Variants in PRKCZ observed in about 807,000 individuals in gnomAD.
PRKCZ encodes protein kinase C zeta.
PRKCZ carries 33 observed loss-of-function variants against 79.5 expected under a neutral mutation model. The ratio of observed to expected loss-of-function variants is 0.41; its 90% CI spans 0.31 to 0.55. The LOEUF is 0.55. Among genes scored for constraint, PRKCZ ranks in the 20% least tolerant of loss-of-function variants. PRKCZ has a pLI of 0.19. For missense variants in PRKCZ, 578 were observed against 813.5 expected, an observed-to-expected ratio of 0.71 and a Z score of 3.52; for synonymous variants, 342 against 320.9, an observed-to-expected ratio of 1.07 and a Z score of -0.70.
Position 2,149,032 on chromosome 1 carries a change from G to C in PRKCZ, c.687+108G>C, listed in dbSNP as rs1278716017. 20 of 1,263,324 alleles carry C rather than the reference G, an allele frequency of 1.6e-5. No individual in the cohort carries two copies. Among genetic ancestry groups the C allele is most frequent in the African/African-American group, 3.0e-5 (2 of 67,282 alleles). The allele number at this position is 1,263,324 out of a possible 1,614,324, so 78.3% of individuals were successfully genotyped here. ...CTAGATGTGAAATAGACATGGTCCGGGGTGTTGCTAACTAATCTTCACGGG... is the reference window on the plus strand; with the variant it reads ...CTAGATGTGAAATAGACATGGTCCGCGGTGTTGCTAACTAATCTTCACGGG... On this transcript the variant is annotated intron_variant, in intron 8 of 17. Transcript: ENST00000378567. This position sits in a 1 kb window ranked among gnomAD's most constrained non-coding sequence, Gnocchi z 4.1.
intron 10 of PRKCZ, among the ~76,000 whole-genome samples, chr1:2,158,017 G>A (rs1282887347): frequency 1.3e-5 from 2 of 152,192 alleles, no homozygotes; most frequent in Non-Finnish European, 1.5e-5. Flanking sequence ...GCTCTCCTCC[G>A]CTGCACTCTT....
intron 11 of PRKCZ, among the ~76,000 whole-genome samples, chr1:2,171,320 T>G (rs1684380886): frequency 1.5e-5 from 2 of 133,072 alleles, no homozygotes; most frequent in African/African-American, 2.9e-5. Flanking sequence ...CCAGCCTGGG[T>G]GACAGAGTGA....
At chr1:2,171,116 G>T (rs1309720446) in intron 11 of PRKCZ, among the ~76,000 whole-genome samples, 1 of 152,082 alleles carries the variant, frequency 6.6e-6, no homozygotes, top group East Asian at 2.0e-4. Flanking sequence ...GGATCACGAG[G>T]TCAGGAGATC....
At chr1:2,107,893 A>T (rs962153547) in intron 4 of PRKCZ, among the ~76,000 whole-genome samples, 3 of 149,522 alleles carry the variant, frequency 2.0e-5, no homozygotes, top group African/African-American at 7.5e-5. Flanking sequence ...GTGTCCAGGG[A>T]TTCCCCCCAG....
chr1:2,102,902 CAG>C (rs1667743542), intron 4 of PRKCZ, among the ~76,000 whole-genome samples: 3 of 151,834 alleles, frequency 2.0e-5, no homozygotes, highest in Admixed American at 1.3e-4. Context: ...TCTCAAGAGA[CAG>C]GGTCTTGCTC....
intron 16 of PRKCZ, chr1:2,184,007 A>G (rs1687143121): frequency 6.5e-6 from 1 of 153,086 alleles, no homozygotes; most frequent in African/African-American, 2.4e-5. Context: ...GTGTTGTGGC[A>G]CCTGTGCCAG....
intron 4 of PRKCZ, among the ~76,000 whole-genome samples, chr1:2,071,756 A>G (rs1661609225): frequency 6.6e-6 from 1 of 152,180 alleles, no homozygotes; most frequent in Non-Finnish European, 1.5e-5. Context: ...ACCAGGATAA[A>G]TGCGTATTTC....
intron 10 of PRKCZ, among the ~76,000 whole-genome samples, chr1:2,163,885 C>T (rs1052248529): frequency 3.3e-5 from 5 of 151,370 alleles, no homozygotes; most frequent in African/African-American, 7.3e-5. Flanking sequence ...GGCGAGAGAG[C>T]GAGACTCCAT....
At chr1:2,152,105 C>T (rs1306040572) in intron 9 of PRKCZ, among the ~76,000 whole-genome samples, 1 of 152,178 alleles carries the variant, frequency 6.6e-6, no homozygotes, top group Non-Finnish European at 1.5e-5. Flanking sequence ...CCCGCCTCAG[C>T]CTGCTAGAGT....
intron 4 of PRKCZ, among the ~76,000 whole-genome samples, chr1:2,078,674 T>G (rs1236573102): frequency 1.3e-5 from 2 of 152,214 alleles, no homozygotes; most frequent in African/African-American, 4.8e-5. Context: ...TGATTATTTG[T>G]TGGCCCTCCC....
intron 4 of PRKCZ, among the ~76,000 whole-genome samples, chr1:2,118,301 C>T (rs963472712): frequency 2.1e-5 from 3 of 140,772 alleles, no homozygotes; most frequent in African/African-American, 8.0e-5. Flanking sequence ...CTGGCCATAT[C>T]TTCCTTTTGA....
At position 2,050,663 on chromosome 1, in the gene PRKCZ, G is replaced by C. The variant is rs1659554050; in HGVS notation, c.33G>C (p.Gly11=). 8.1e-7 allele frequency: 1 copy of C among 1,227,590 alleles called. No homozygotes were observed. Among genetic ancestry groups the C allele is most frequent in the Admixed American group, 4.2e-5 (1 of 23,554 alleles). 76.0% of individuals were successfully genotyped at this position (1,227,590 alleles called of 1,614,324 possible). Residue 11 remains glycine, a synonymous_variant, in exon 1 of 18, where the codon GGG becomes GGC. Coordinates refer to ENST00000378567, the MANE Select transcript of PRKCZ (RefSeq NM_002744.6). The part of the protein sequence containing the change: MPSRTGPKME[G]SGGRVRLKAH... ...GCAGGACCGGCCCCAAGATGGAAGG[G>C]AGCGGCGGCCGCGTCCGCCTCAAGG...
chr1:2,079,316 T>G (rs1297904015), intron 4 of PRKCZ, among the ~76,000 whole-genome samples: 1 of 152,268 alleles, frequency 6.6e-6, no homozygotes, highest in Non-Finnish European at 1.5e-5. Flanking sequence ...TTTAATCTTC[T>G]CAGTTCCTTG....
chr1:2,174,329 C>T lies in PRKCZ; in HGVS notation c.1405+313C>T, dbSNP rs947106819. The stretch of plus-strand genomic sequence containing the variant: ...CCGAGGCTGTACCGAGCTGAAAGCA[C>T]AGCCCCCACCCCCAAAACCCACAGC... On this transcript the variant is annotated intron_variant, in intron 14 of 17. Transcript: ENST00000378567. This position sits in a 1 kb window ranked among gnomAD's most constrained non-coding sequence, Gnocchi z 6.2. Among the ~76,000 whole-genome samples, 1 of 152,224 alleles carries T rather than the reference C, an allele frequency of 6.6e-6. No homozygotes were observed. The highest frequency in any genetic ancestry group is 1.5e-5 in the Non-Finnish European group (1 of 68,034).
intron 4 of PRKCZ, among the ~76,000 whole-genome samples, chr1:2,085,925 C>T (rs1015244711): frequency 5.9e-5 from 9 of 152,182 alleles, no homozygotes; most frequent in Admixed American, 2.6e-4. Flanking sequence ...CTCTTTCTCT[C>T]GCTCCCTTCT....
At position 2,175,211 on chromosome 1, in the gene PRKCZ, C is replaced by T. The variant is rs781083996; in HGVS notation, c.1486-13C>T. The T allele has an allele frequency of 6.2e-7, 1 of 1,611,910 alleles. No individual in the cohort carries two copies. The highest frequency in any genetic ancestry group is 1.3e-5 in the African/African-American group (1 of 74,796). On this transcript the variant is annotated splice_polypyrimidine_tract_variant and intron_variant, in intron 15 of 17. Coordinates refer to ENST00000378567, the MANE Select transcript of PRKCZ (RefSeq NM_002744.6). ...TGGGGCTGACTTGTCCTTGTTTGAA[C>T]TCTGACCTCCAGGACCCCAAAGAGA...
In PRKCZ at chr1:2,094,970, G is replaced by A. The variant is rs1186931773; in HGVS notation, c.334+35379G>A. ...CTCCCTGCCCCCGCCGGCATGACAC[G>A]GACACTGGTGCCCGAGTGATGCCTG... is the stretch of plus-strand genomic sequence containing the variant. On this transcript the variant is annotated intron_variant, in intron 4 of 17. Transcript: ENST00000378567. This position sits in a 1 kb window ranked among gnomAD's most constrained non-coding sequence, Gnocchi z 7.3. 2.0e-5 allele frequency among the ~76,000 whole-genome samples: 3 copies of A among 152,118 alleles called. No individual in the cohort carries two copies. The highest frequency in any genetic ancestry group is 2.1e-4 in the South Asian group (1 of 4,836).
chr1:2,175,621 C>T lies in PRKCZ; in HGVS notation c.1575+308C>T, dbSNP rs529668735. 1.1e-4 allele frequency among the ~76,000 whole-genome samples: 17 copies of T among 151,312 alleles called. No individual in the cohort carries two copies. The East Asian group carries it at 3.3e-3, about 30-fold the overall frequency. On this transcript the variant is annotated intron_variant, in intron 16 of 17. Transcript: ENST00000378567. ...TGGACAGAGCCGGGGCTGTGTGGGC[C>T]GGGTGGGCTGTGTGAGCTCGCGCAC... is the stretch of plus-strand genomic sequence containing the variant.
At chr1:2,097,445 G>A (rs772394572) in intron 4 of PRKCZ, among the ~76,000 whole-genome samples, 7 of 152,192 alleles carry the variant, frequency 4.6e-5, no homozygotes, top group Non-Finnish European at 1.0e-4. Context: ...GGTCACTGGC[G>A]AGAGGGCTGG....
Sources: gnomAD v4.1 joint callset for allele counts (sites outside exome capture counted in the v4.1 genomes callset) on GRCh38, gnomAD v4.1.1 for gene constraint, Gnocchi (gnomAD v3.1) non-coding constraint, MANE v1.5 for transcripts, NCBI Gene and HGNC (gene_info 2026-07-23, HGNC 2026-07-21) for gene names.